The following RABGAP1L variants were observed in gnomAD, a reference collection of about 807,000 sequenced individuals.
RABGAP1L encodes rab GTPase-activating protein 1-like.
A neutral mutation model predicts 137.7 loss-of-function variants in RABGAP1L; 63 were observed. The ratio of observed to expected loss-of-function variants is 0.46; its 90% CI spans 0.37 to 0.56. The LOEUF (loss-of-function observed/expected upper bound fraction) is 0.56. RABGAP1L is among the 20% of genes least tolerant of loss of function. RABGAP1L has a pLI of 0.00. For synonymous variants in RABGAP1L, 431 were observed against 433.7 expected (o/e 0.99, Z 0.08); for missense variants, 1,095 against 1,244.0 (o/e 0.88, Z 1.80).
At chr1:174,569,386 G>A (rs1204839670) in intron 13 of RABGAP1L, among the ~76,000 whole-genome samples, 1 of 152,128 alleles carries the variant, frequency 6.6e-6, no homozygotes, top group African/African-American at 2.4e-5. Flanking sequence ...GATCATGAAG[G>A]CCAGGGCTGC....
intron 13 of RABGAP1L, among the ~76,000 whole-genome samples, chr1:174,609,483 G>C (rs1671023496): frequency 6.6e-6 from 1 of 152,096 alleles, no homozygotes; most frequent in African/African-American, 2.4e-5. Context: ...AGGGGTAGAA[G>C]GGAATTTCAA....
intron 13 of RABGAP1L, among the ~76,000 whole-genome samples, chr1:174,604,970 C>G (rs9628627): frequency 0.81 from 123,220 of 152,052 alleles, 50,749 homozygotes; most frequent in African/African-American, 0.95. Context: ...GTGAAACCCA[C>G]TCTCTACCAA....
chr1:174,802,468 G>GT (rs1688844056), intron 18 of RABGAP1L, among the ~76,000 whole-genome samples: 1 of 152,158 alleles, frequency 6.6e-6, no homozygotes. Context: ...TTAGCCGGGC[G>GT]TGGTGGCACG....
At chr1:174,287,361 G>T (rs1164549322) in intron 10 of RABGAP1L, among the ~76,000 whole-genome samples, 1 of 151,984 alleles carries the variant, frequency 6.6e-6, no homozygotes, top group African/African-American at 2.4e-5. Context: ...GTTCTCTTTT[G>T]GTTAACATTT....
At chr1:174,597,653 A>T (rs1670068301) in intron 13 of RABGAP1L, among the ~76,000 whole-genome samples, 1 of 151,336 alleles carries the variant, frequency 6.6e-6, no homozygotes, top group Non-Finnish European at 1.5e-5. Context: ...AACTTTTCGA[A>T]CTTTTCGAAA....
At chr1:174,399,033 A>G (rs1174196644) in intron 13 of RABGAP1L, among the ~76,000 whole-genome samples, 1 of 152,176 alleles carries the variant, frequency 6.6e-6, no homozygotes, top group Admixed American at 6.6e-5. Flanking sequence ...TTCTATTGTT[A>G]ATACAGTTAT....
intron 14 of RABGAP1L, among the ~76,000 whole-genome samples, chr1:174,655,316 C>G (rs1675882554): frequency 6.6e-6 from 1 of 152,150 alleles, no homozygotes; most frequent in African/African-American, 2.4e-5. Flanking sequence ...TCCCTTCAAC[C>G]TGGAACCATT....
chr1:174,533,486 C>T (rs900139754), intron 13 of RABGAP1L, among the ~76,000 whole-genome samples: 2 of 152,168 alleles, frequency 1.3e-5, no homozygotes, highest in South Asian at 2.1e-4. Context: ...TCTTCCTCCT[C>T]CTCCTCAGCC....
Position 174,275,803 on chromosome 1 carries a change from T to TGTTTG in RABGAP1L, c.1054-30_1054-29insGTTTG. 3 of 1,516,056 alleles carry TGTTTG rather than the reference T, an allele frequency of 2.0e-6. No individual in the cohort carries two copies. The South Asian group carries it at 3.6e-5, about 18-fold the overall frequency. 93.9% of individuals were successfully genotyped at this position (1,516,056 alleles called of 1,614,324 possible). On this transcript the variant is annotated intron_variant, in intron 8 of 25. Coordinates refer to ENST00000681986, the MANE Select transcript of RABGAP1L (RefSeq NM_001366446.1). ...AAGTAGTGATTTTTTTGATGTCTTTTATCAGTAATTACTGTTTGAATTTTT... is the reference window on the plus strand; with the variant it reads ...AAGTAGTGATTTTTTTGATGTCTTTTGTTTGATCAGTAATTACTGTTTGAATTTTT...
At chr1:174,193,085 T>C (rs1255273401) in intron 1 of RABGAP1L, among the ~76,000 whole-genome samples, 1 of 152,182 alleles carries the variant, frequency 6.6e-6, no homozygotes, top group Non-Finnish European at 1.5e-5. Context: ...AACTTTCTGG[T>C]TTATAGTAGT....
chr1:174,471,794 G>T (rs1378804109), intron 13 of RABGAP1L, among the ~76,000 whole-genome samples: 1 of 152,148 alleles, frequency 6.6e-6, no homozygotes, highest in East Asian at 1.9e-4. Flanking sequence ...TGGACTGAAT[G>T]CATGTGTGTC....
chr1:174,306,718 G>T (rs1413212579), intron 11 of RABGAP1L, among the ~76,000 whole-genome samples: 3 of 151,606 alleles, frequency 2.0e-5, no homozygotes, highest in Admixed American at 6.6e-5. Context: ...GAAATAGTGG[G>T]GTATCTGCTC....
chr1:174,268,975 T>A (rs1674315391), intron 7 of RABGAP1L, among the ~76,000 whole-genome samples: 1 of 152,176 alleles, frequency 6.6e-6, no homozygotes, highest in South Asian at 2.1e-4. Context: ...TTGCCCACGC[T>A]GGAGTGCAGT....
chr1:174,856,397 T>TAAAAAAAA (rs150232187), intron 19 of RABGAP1L, among the ~76,000 whole-genome samples: 1 of 115,220 alleles, frequency 8.7e-6, no homozygotes, highest in Non-Finnish European at 2.0e-5. Flanking sequence ...TCCCTCTCAA[T>TAAAAAAAA]AAAAAAAAAA....
At chr1:174,874,580 T>A (rs1253386792) in intron 19 of RABGAP1L, 5 of 10,016 alleles carry the variant, frequency 5.0e-4, no homozygotes, top group Non-Finnish European at 9.0e-4. Flanking sequence ...ACCACTGCCT[T>A]TTTTTTTTTT....
At chr1:174,270,272 A>C (rs901896389) in intron 7 of RABGAP1L, among the ~76,000 whole-genome samples, 2 of 151,982 alleles carry the variant, frequency 1.3e-5, no homozygotes, top group Non-Finnish European at 2.9e-5. Context: ...ATTGCTACTT[A>C]AGAAAAATCC....
chr1:174,616,412 G>A (rs910941852), intron 13 of RABGAP1L, among the ~76,000 whole-genome samples: 3 of 152,168 alleles, frequency 2.0e-5, no homozygotes, highest in Non-Finnish European at 4.4e-5. Flanking sequence ...GGGAATAGAT[G>A]GTTACCCTGC....
chr1:174,697,281 G>C (rs757606734), intron 15 of RABGAP1L, among the ~76,000 whole-genome samples: 7 of 152,046 alleles, frequency 4.6e-5, no homozygotes, highest in Non-Finnish European at 7.4e-5. Context: ...AGAGACTTAA[G>C]TGAATTAGTA....
At chr1:174,518,605 G>A (rs1027810751) in intron 13 of RABGAP1L, among the ~76,000 whole-genome samples, 6 of 152,098 alleles carry the variant, frequency 3.9e-5, no homozygotes, top group Non-Finnish European at 5.9e-5. Flanking sequence ...CTCCTCTTGG[G>A]TGTTAAATAT....
Sources: allele counts gnomAD v4.1 joint callset (sites outside exome capture counted in the v4.1 genomes callset), GRCh38; gene constraint gnomAD v4.1.1; transcripts MANE v1.5; gene names NCBI Gene and HGNC (gene_info 2026-07-23, HGNC 2026-07-21).